Variants in UBE2G2 observed in about 807,000 individuals in gnomAD.
UBE2G2 encodes the protein ubiquitin-conjugating enzyme E2 G2.
In UBE2G2, 10 loss-of-function variants were observed where a neutral mutation model predicts 23.0. That is an observed-to-expected ratio of 0.43 (90% CI 0.27 to 0.74). The LOEUF is 0.74. Ranked by LOEUF, UBE2G2 falls within the 30% of genes least tolerant of loss-of-function variation. The pLI, the probability that UBE2G2 is intolerant of heterozygous loss-of-function variation, is 0.19. For missense variants in UBE2G2, 150 were observed against 218.3 expected (o/e 0.69, Z 1.97); for synonymous variants, 86 against 81.3 (o/e 1.06, Z -0.31).
Position 44,772,600 on chromosome 21 carries a change from G to A in UBE2G2, c.385+947C>T, listed in dbSNP as rs235357. Among the ~76,000 whole-genome samples the A allele has an allele frequency of 0.98, 149,391 of 152,134 alleles. 73,365 individuals are homozygous for A. The highest frequency in any genetic ancestry group is 1 in the East Asian group (5,145 of 5,146). ...GAAATGACCCCACATCTTCACTCTC[G>A]TGTCTGACCCCCTTTTGTGGATGGA... On this transcript the variant is annotated intron_variant, in intron 5 of 5. Coordinates refer to ENST00000345496, the MANE Select transcript of UBE2G2 (RefSeq NM_003343.6). The surrounding 1 kb of genome is among the most constrained non-coding windows in gnomAD (Gnocchi z 5.4).
rs1555959969 is a variant in UBE2G2, at chr21:44,771,688, A to G, written c.386-199T>C. 6.6e-6 allele frequency among the ~76,000 whole-genome samples: 1 copy of G among 151,794 alleles called. No homozygotes were observed. Among genetic ancestry groups the G allele is most frequent in the African/African-American group, 2.4e-5 (1 of 41,294 alleles). On this transcript the variant is annotated intron_variant, in intron 5 of 5. Transcript: ENST00000345496. The surrounding 1 kb of genome is among the most constrained non-coding windows in gnomAD (Gnocchi z 4.6). ...GGTCTCAACGAAAGCCACTCTCATGACTCCTGCGTTCTGAGTGTCTGAAGA... is the reference window on the plus strand; with the variant it reads ...GGTCTCAACGAAAGCCACTCTCATGGCTCCTGCGTTCTGAGTGTCTGAAGA...
intron 1 of UBE2G2, among the ~76,000 whole-genome samples, chr21:44,792,005 A>T (rs2083049506): frequency 1.3e-5 from 2 of 152,244 alleles, no homozygotes; most frequent in East Asian, 3.8e-4. Flanking sequence ...ATGACTGCCC[A>T]GCCGGATTTC....
At position 44,801,753 on chromosome 21, in the gene UBE2G2, C is replaced by T. The variant is rs577266979; in HGVS notation, c.-5G>A. 23 of 1,519,440 alleles carry T rather than the reference C, an allele frequency of 1.5e-5. No homozygotes were observed. In the South Asian group the frequency reaches 2.5e-4, roughly 16 times the overall value. The allele number at this position is 1,519,440 out of a possible 1,614,324, so 94.1% of individuals were successfully genotyped here. ...CTTGAGCGCGGTCCCCGCCATGGCC[C>T]CGCAACAGCTGCGCCGAGCGACCTC... On this transcript the variant is annotated 5_prime_UTR_variant, in exon 1 of 6. Coordinates refer to ENST00000345496, the MANE Select transcript of UBE2G2 (RefSeq NM_003343.6).
At position 44,772,148 on chromosome 21, in the gene UBE2G2, C is replaced by T. The variant is rs555570286; in HGVS notation, c.386-659G>A. 3.9e-4 allele frequency among the ~76,000 whole-genome samples: 59 copies of T among 152,290 alleles called. 1 individual carries two copies. Among genetic ancestry groups the T allele is most frequent in the Middle Eastern group, 3.4e-3 (1 of 294 alleles). On this transcript the variant is annotated intron_variant, in intron 5 of 5. Coordinates refer to ENST00000345496, the MANE Select transcript of UBE2G2 (RefSeq NM_003343.6). The surrounding 1 kb of genome is among the most constrained non-coding windows in gnomAD (Gnocchi z 5.4). ...CTGAGGCAGCAGCTGTGCAGTGCGG[C>T]GGTGGCGCTGCTCAGAATGCACGTG...
At chr21:44,776,111 A>G (rs1555960548) in intron 4 of UBE2G2, among the ~76,000 whole-genome samples, 1 of 152,074 alleles carries the variant, frequency 6.6e-6, no homozygotes, top group African/African-American at 2.4e-5. Context: ...CCACCAGTGA[A>G]GTGGCCGGGG....
At chr21:44,792,008 C>T (rs1032865191) in intron 1 of UBE2G2, among the ~76,000 whole-genome samples, 3 of 152,208 alleles carry the variant, frequency 2.0e-5, no homozygotes, top group Non-Finnish European at 4.4e-5. Context: ...ACTGCCCAGC[C>T]GGATTTCGGA....
At chr21:44,796,536 G>T (rs1295492583) in intron 1 of UBE2G2, among the ~76,000 whole-genome samples, 6 of 151,614 alleles carry the variant, frequency 4.0e-5, no homozygotes, top group African/African-American at 1.2e-4. Flanking sequence ...ACCAGTAAAT[G>T]ATACACAAAA....
chr21:44,773,360 C>T (rs2082888513), intron 5 of UBE2G2, among the ~76,000 whole-genome samples, 187 bp downstream of exon 5: 1 of 152,188 alleles, frequency 6.6e-6, no homozygotes, highest in Non-Finnish European at 1.5e-5. Flanking sequence ...ATATACAACC[C>T]CAGGCTATGC....
chr21:44,771,581 G>C lies in UBE2G2; in HGVS notation c.386-92C>G, dbSNP rs2082875546. On this transcript the variant is annotated intron_variant, in intron 5 of 5. Coordinates refer to ENST00000345496, the MANE Select transcript of UBE2G2 (RefSeq NM_003343.6). This position sits in a 1 kb window ranked among gnomAD's most constrained non-coding sequence, Gnocchi z 4.6. ...CCCATTTATTTAAAACACTGGCGGG[G>C]GCTTTCAAGAGCTGTGTCCCAGAAA... 2 of 1,328,724 alleles carry C rather than the reference G, an allele frequency of 1.5e-6. No individual in the cohort carries two copies. The highest frequency in any genetic ancestry group is 4.6e-5 in the East Asian group (2 of 43,482). 82.3% of individuals were successfully genotyped at this position (1,328,724 alleles called of 1,614,324 possible).
At chr21:44,800,438 G>GT in intron 1 of UBE2G2, 1 of 152,160 alleles carries the variant, frequency 6.6e-6, no homozygotes, top group East Asian at 1.9e-4. Flanking sequence ...AAAAATCAGT[G>GT]TAACTATTTG....
rs373741870 is a variant in UBE2G2, at chr21:44,795,459, CTA to C, written c.43+6245_43+6246del. On this transcript the variant is annotated intron_variant, in intron 1 of 5. Coordinates refer to ENST00000345496, the MANE Select transcript of UBE2G2 (RefSeq NM_003343.6). ...CAAGCCTGGGCAACATGGCGAAACC[CTA>C]TCTCTACTAAAAATACAAAAATTAG... Among the ~76,000 whole-genome samples the C allele has an allele frequency of 6.6e-5, 10 of 151,956 alleles. No individual in the cohort carries two copies. The South Asian group carries it at 1.9e-3, about 29-fold the overall frequency.
rs572812798 is a variant in UBE2G2 at position 44,781,799 on chromosome 21, C to T, written c.126-4382G>A. Reference sequence around the variant, plus strand: ...TAGATAACCAATGCTAAGAACTGCTCGGAAGAAAAGGGGGAACATTTCCAT... The same window carrying T: ...TAGATAACCAATGCTAAGAACTGCTTGGAAGAAAAGGGGGAACATTTCCAT... On this transcript the variant is annotated intron_variant, in intron 3 of 5. Transcript: ENST00000345496. Among the ~76,000 whole-genome samples the T allele has an allele frequency of 3.9e-5, 6 of 152,148 alleles. No homozygotes were observed. In the South Asian group the frequency reaches 6.2e-4, roughly 16 times the overall value.
At chr21:44,797,640 G>C (rs146633911) in intron 1 of UBE2G2, among the ~76,000 whole-genome samples, 6 of 146,148 alleles carry the variant, frequency 4.1e-5, no homozygotes, top group African/African-American at 1.5e-4. Context: ...GCATGAACCC[G>C]GGAGGCGGAG....
At chr21:44,786,024 C>T (rs528589647) in intron 3 of UBE2G2, among the ~76,000 whole-genome samples, 1 of 152,286 alleles carries the variant, frequency 6.6e-6, no homozygotes, top group East Asian at 1.9e-4. Context: ...CCACACTGGA[C>T]GGCTCAACTG....
At chr21:44,785,486 T>G (rs1004215057) in intron 3 of UBE2G2, among the ~76,000 whole-genome samples, 1 of 152,248 alleles carries the variant, frequency 6.6e-6, no homozygotes, top group Non-Finnish European at 1.5e-5. Flanking sequence ...AGGCACTTAG[T>G]GTTTGTTGCT....
chr21:44,769,919 C>T lies in UBE2G2; in HGVS notation c.*1458G>A, dbSNP rs2082859630. ...CTATTTAAATGCCGCCCGTGTGCGA[C>T]AGGCCTGATATTTGCTTCTGCATGT... On this transcript the variant is annotated 3_prime_UTR_variant, in exon 6 of 6. Transcript: ENST00000345496. The T allele has an allele frequency of 6.6e-6, 1 of 152,284 alleles. No individual in the cohort carries two copies. Among genetic ancestry groups the T allele is most frequent in the African/African-American group, 2.4e-5 (1 of 41,472 alleles). The allele number at this position is 152,284 out of a possible 1,614,324, so 9.4% of individuals were successfully genotyped here. A position where few individuals can be genotyped will look rare whatever the true frequency, so the allele number is the denominator to read the frequency against.
At chr21:44,777,125 T>C in intron 4 of UBE2G2, 174 bp downstream of exon 4, 1 of 608,080 alleles carries the variant, frequency 1.6e-6, no homozygotes, top group Non-Finnish European at 2.8e-6. Context: ...ACCTTCAAAA[T>C]TGAAATCATG....
Position 44,780,999 on chromosome 21 carries a change from G to A in UBE2G2, c.126-3582C>T, listed in dbSNP as rs551071224. Among the ~76,000 whole-genome samples the A allele has an allele frequency of 1.5e-4, 23 of 152,334 alleles. No individual in the cohort carries two copies. The Middle Eastern group carries it at 0.01, about 68-fold the overall frequency. On this transcript the variant is annotated intron_variant, in intron 3 of 5. Coordinates refer to ENST00000345496, the MANE Select transcript of UBE2G2 (RefSeq NM_003343.6). ...CAAGCGGTGTTCCAGGAACTGGTGC[G>A]CTCGCCACTTCAGCTGCACGCAGGT... is the stretch of plus-strand genomic sequence containing the variant.
chr21:44,800,711 CA>C (rs2083129152), intron 1 of UBE2G2: 1 of 152,150 alleles, frequency 6.6e-6, no homozygotes, highest in Non-Finnish European at 1.5e-5. Flanking sequence ...GCGGTGTCAC[CA>C]ATAGTTTTAC....
Sources: gnomAD v4.1 joint callset for allele counts (sites outside exome capture counted in the v4.1 genomes callset) on GRCh38, gnomAD v4.1.1 for gene constraint, Gnocchi (gnomAD v3.1) non-coding constraint, MANE v1.5 for transcripts, NCBI Gene and HGNC (gene_info 2026-07-23, HGNC 2026-07-21) for gene names.